The following SLC16A7 variants were observed in gnomAD, a reference collection of about 807,000 sequenced individuals.
The protein encoded by SLC16A7 is monocarboxylate transporter 2.
SLC16A7 carries 33 observed loss-of-function variants against 34.9 expected under a neutral mutation model. That is an observed-to-expected ratio of 0.94 (90% CI 0.72 to 1.26). SLC16A7 has a LOEUF of 1.26. SLC16A7 is among the 50% of genes most tolerant of loss of function. The pLI is 0.00. For synonymous variants in SLC16A7, 201 were observed against 206.6 expected (o/e 0.97, Z 0.23); for missense variants, 573 against 578.1 (o/e 0.99, Z 0.09).
chr12:59,652,551 C>T (rs1179671926), intron 1 of SLC16A7, among the ~76,000 whole-genome samples: 1 of 151,762 alleles, frequency 6.6e-6, no homozygotes, highest in Admixed American at 6.6e-5. Context: ...ATTTAAATCA[C>T]CTAAATAATG....
rs917263517 is a variant in SLC16A7 at position 59,786,563 on chromosome 12, A to G, written c.*6884A>G. 6 of 152,172 alleles carry G rather than the reference A, an allele frequency of 3.9e-5. No homozygotes were observed. The highest frequency in any genetic ancestry group is 7.4e-5 in the Non-Finnish European group (5 of 68,012). The allele number at this position is 152,172 out of a possible 1,614,324, so 9.4% of individuals were successfully genotyped here. A position where few individuals can be genotyped will look rare whatever the true frequency, so the allele number is the denominator to read the frequency against. On this transcript the variant is annotated 3_prime_UTR_variant, in exon 6 of 6. Coordinates refer to ENST00000547379, the MANE Select transcript of SLC16A7 (RefSeq NM_001270623.2). Reference sequence around the variant, plus strand: ...TGAAATAGCAAATATGAATTAAAATATTTATTTCTAAACATTAGATCTAAT... The same window carrying G: ...TGAAATAGCAAATATGAATTAAAATGTTTATTTCTAAACATTAGATCTAAT...
chr12:59,719,863 C>T (rs539901438), intron 3 of SLC16A7: 9 of 478,378 alleles, frequency 1.9e-5, no homozygotes, highest in East Asian at 1.4e-4. Context: ...TGGCCTCCCA[C>T]GGAGTGGCCC....
intron 2 of SLC16A7, among the ~76,000 whole-genome samples, chr12:59,666,646 C>T (rs904366700): frequency 2.0e-5 from 3 of 152,152 alleles, no homozygotes; most frequent in South Asian, 4.1e-4. Flanking sequence ...TACTCTCTTG[C>T]CTGCCACCAT....
intron 2 of SLC16A7, among the ~76,000 whole-genome samples, chr12:59,695,048 T>C (rs1044005851): frequency 6.6e-6 from 1 of 151,956 alleles, no homozygotes; most frequent in Non-Finnish European, 1.5e-5. Context: ...TGTCAAGATC[T>C]CTTTTATCTG....
chr12:59,637,771 G>A (rs1880498027), intron 1 of SLC16A7, among the ~76,000 whole-genome samples: 1 of 152,048 alleles, frequency 6.6e-6, no homozygotes, highest in Admixed American at 6.6e-5. Context: ...TAAGAGGTGG[G>A]GCCTAATGAG....
rs568177696 is a variant in SLC16A7, at chr12:59,630,861, A to G, written c.-129-24291A>G. On this transcript the variant is annotated intron_variant, in intron 1 of 5. Transcript: ENST00000547379. The stretch of plus-strand genomic sequence containing the variant: ...GGTATTCACAAGGAGAAGGCCTTCA[A>G]TTTGCTTTTTGTCAAATTGCATATT... Among the ~76,000 whole-genome samples, 227 of 152,042 alleles carry G rather than the reference A, an allele frequency of 1.5e-3. 2 individuals carry two copies. Among genetic ancestry groups the G allele is most frequent in the Non-Finnish European group, 2.5e-3 (168 of 67,900 alleles).
At position 59,786,392 on chromosome 12, in the gene SLC16A7, T is replaced by A. The variant is rs1394837427; in HGVS notation, c.*6713T>A. 6.6e-6 allele frequency: 1 copy of A among 152,030 alleles called. No homozygotes were observed. The highest frequency in any genetic ancestry group is 1.5e-5 in the Non-Finnish European group (1 of 67,976). 9.4% of individuals were successfully genotyped at this position (152,030 alleles called of 1,614,324 possible). A position where few individuals can be genotyped will look rare whatever the true frequency, so the allele number is the denominator to read the frequency against. On this transcript the variant is annotated 3_prime_UTR_variant, in exon 6 of 6. Transcript: ENST00000547379. ...TGAGTTAGACTCAGTTTATATAGCTTCCTCGTTAGAGTACACATTTTTTTT... is the reference window on the plus strand; with the variant it reads ...TGAGTTAGACTCAGTTTATATAGCTACCTCGTTAGAGTACACATTTTTTTT...
chr12:59,658,936 G>C (rs1868680756), intron 2 of SLC16A7, among the ~76,000 whole-genome samples: 1 of 151,984 alleles, frequency 6.6e-6, no homozygotes, highest in Admixed American at 6.6e-5. Context: ...TAAAAATATG[G>C]TTAAAATGAG....
At chr12:59,647,591 A>G (rs143661183) in intron 1 of SLC16A7, among the ~76,000 whole-genome samples, 40 of 150,796 alleles carry the variant, frequency 2.7e-4, no homozygotes, top group African/African-American at 9.5e-4. Context: ...AAATGATCAC[A>G]TCAGGTAAAG....
intron 3 of SLC16A7, among the ~76,000 whole-genome samples, chr12:59,741,040 C>T (rs1878268680): frequency 6.6e-6 from 1 of 152,012 alleles, no homozygotes; most frequent in South Asian, 2.1e-4. Context: ...AACTACAAAC[C>T]ACTGCTCAAT....
intron 3 of SLC16A7, among the ~76,000 whole-genome samples, chr12:59,738,745 A>C (rs1244162606): frequency 2.6e-5 from 4 of 152,136 alleles, no homozygotes; most frequent in Non-Finnish European, 5.9e-5. Flanking sequence ...ATTAGCTCTC[A>C]GGAAATTTAA....
At chr12:59,767,059 C>A (rs1009946732) in intron 3 of SLC16A7, among the ~76,000 whole-genome samples, 2 of 149,536 alleles carry the variant, frequency 1.3e-5, no homozygotes, top group Non-Finnish European at 3.0e-5. Flanking sequence ...TTTAGTCTTG[C>A]GAGGGTGTAT....
intron 3 of SLC16A7, chr12:59,733,923 CTG>C (rs1178899998): frequency 7.0e-6 from 3 of 428,580 alleles, no homozygotes; most frequent in Non-Finnish European, 1.4e-5. Flanking sequence ...ATCCTGACGT[CTG>C]TGTGAGTCTG....
At chr12:59,651,369 C>A (rs1868339654) in intron 1 of SLC16A7, among the ~76,000 whole-genome samples, 1 of 152,038 alleles carries the variant, frequency 6.6e-6, no homozygotes, top group Non-Finnish European at 1.5e-5. Flanking sequence ...AGGCCATTTC[C>A]TTAGATTCCA....
In SLC16A7 at chr12:59,783,527, A is replaced by G. The variant is rs1422434152; in HGVS notation, c.*3848A>G. The G allele has an allele frequency of 6.6e-6, 1 of 152,208 alleles. No individual in the cohort carries two copies. The highest frequency in any genetic ancestry group is 6.5e-5 in the Admixed American group (1 of 15,272). 9.4% of individuals were successfully genotyped at this position (152,208 alleles called of 1,614,324 possible). On this transcript the variant is annotated 3_prime_UTR_variant, in exon 6 of 6. Coordinates refer to ENST00000547379, the MANE Select transcript of SLC16A7 (RefSeq NM_001270623.2). The stretch of plus-strand genomic sequence containing the variant: ...AAGCAAAGGAAGATAAAATATAGGT[A>G]CAAAAAAGATACATCCTATATAGTA...
intron 1 of SLC16A7, among the ~76,000 whole-genome samples, chr12:59,604,451 A>G (rs1878837987): frequency 6.6e-6 from 1 of 152,240 alleles, no homozygotes; most frequent in African/African-American, 2.4e-5. Flanking sequence ...TAATGCCCTA[A>G]GTAGTAAAAC....
At chr12:59,747,079 G>T (rs973071403) in intron 3 of SLC16A7, among the ~76,000 whole-genome samples, 1 of 152,142 alleles carries the variant, frequency 6.6e-6, no homozygotes, top group Admixed American at 6.6e-5. Context: ...AGATCCTCCT[G>T]CCTCAGACTC....
chr12:59,659,208 G>GCA lies in SLC16A7; in HGVS notation c.-31+3975_-31+3976dup, dbSNP rs111940721. ...TTCTGGTTTTAAAATGCATGTGCAC[G>GCA]CACACACACACACACACATATAGCC... On this transcript the variant is annotated intron_variant, in intron 2 of 5. Transcript: ENST00000547379. 6.5e-3 allele frequency among the ~76,000 whole-genome samples: 978 copies of GCA among 149,604 alleles called. 11 individuals carry two copies. Among genetic ancestry groups the GCA allele is most frequent in the African/African-American group, 0.018 (718 of 40,968 alleles).
chr12:59,674,361 G>A (rs940578956), intron 2 of SLC16A7, among the ~76,000 whole-genome samples: 11 of 152,098 alleles, frequency 7.2e-5, no homozygotes, highest in African/African-American at 2.4e-4. Flanking sequence ...TGCCACATAG[G>A]AGCTGTTTGA....
Sources: allele counts gnomAD v4.1 joint callset (sites outside exome capture counted in the v4.1 genomes callset), GRCh38; gene constraint gnomAD v4.1.1; transcripts MANE v1.5; gene names NCBI Gene and HGNC (gene_info 2026-07-23, HGNC 2026-07-21).